Variants in AP1M1 observed in about 807,000 individuals in gnomAD.
AP1M1 encodes the protein adaptor related protein complex 1 subunit mu 1.
AP1M1 carries 18 observed loss-of-function variants against 57.1 expected under a neutral mutation model. That is an observed-to-expected ratio of 0.32 (90% CI 0.22 to 0.47). The LOEUF is 0.47. Ranked by LOEUF, AP1M1 falls within the 20% of genes least tolerant of loss-of-function variation. The probability of loss-of-function intolerance (pLI) is 1.00; values close to 1 mark genes in which losing one functional copy is unlikely to be tolerated. For missense variants in AP1M1, 362 were observed against 593.5 expected, an observed-to-expected ratio of 0.61 and a Z score of 4.05; for synonymous variants, 241 against 237.9, an observed-to-expected ratio of 1.01 and a Z score of -0.12.
chr19:16,198,564 A>G (rs1239477888), intron 1 of AP1M1, among the ~76,000 whole-genome samples: 2 of 152,142 alleles, frequency 1.3e-5, no homozygotes, highest in Non-Finnish European at 2.9e-5. Flanking sequence ...TCATTGTGAT[A>G]GTGAGTTACA....
At chr19:16,204,882 G>A (rs1401531498) in intron 2 of AP1M1, among the ~76,000 whole-genome samples, 7 of 150,858 alleles carry the variant, frequency 4.6e-5, no homozygotes, top group Non-Finnish European at 8.9e-5. Flanking sequence ...CCAGGCTGGA[G>A]TGCAGTGGCG....
At chr19:16,222,823 C>T (rs2091552075) in intron 5 of AP1M1, among the ~76,000 whole-genome samples, 1 of 152,078 alleles carries the variant, frequency 6.6e-6, no homozygotes, top group Admixed American at 6.6e-5. Context: ...CTGTGTTGCC[C>T]AGGCTAGTCT....
chr19:16,228,126 C>G lies in AP1M1; in HGVS notation c.817-11C>G, dbSNP rs542781227. On this transcript the variant is annotated splice_polypyrimidine_tract_variant and intron_variant, in intron 7 of 11. Transcript: ENST00000291439. The surrounding 1 kb of genome is among the most constrained non-coding windows in gnomAD (Gnocchi z 5.0). ...GCCAGGTGTGAGCACCCTCTTTGCC[C>G]TCCTTGGCAGGTCAAGCCTTTGATA... The G allele has an allele frequency of 3.1e-6, 5 of 1,613,762 alleles. No individual in the cohort carries two copies. The South Asian group carries it at 5.5e-5, about 18-fold the overall frequency.
rs2091633917 is a variant in AP1M1 at position 16,238,633 on chromosome 19, G to A, written c.*4198G>A. 1 of 152,124 alleles carries A rather than the reference G, an allele frequency of 6.6e-6. No individual in the cohort carries two copies. The highest frequency in any genetic ancestry group is 2.4e-5 in the African/African-American group (1 of 41,426). The allele number at this position is 152,124 out of a possible 1,614,324, so 9.4% of individuals were successfully genotyped here. A position where few individuals can be genotyped will look rare whatever the true frequency, so the allele number is the denominator to read the frequency against. On this transcript the variant is annotated 3_prime_UTR_variant, in exon 12 of 12. Transcript: ENST00000291439. ...GGTTATCTCTGAAAGGCAAAAACAG[G>A]AAGGGGGTATGACTGGGGCCTCTGC...
rs1017900613 is a variant in AP1M1, at chr19:16,206,975, C to G, written c.267+567C>G. On this transcript the variant is annotated intron_variant, in intron 3 of 11. Transcript: ENST00000291439. This position sits in a 1 kb window ranked among gnomAD's most constrained non-coding sequence, Gnocchi z 4.3. ...TCAGCTGGGAAGAGGGCGGATTATA[C>G]AGGAGTGTGGATTTCATTCCACTTC... Among the ~76,000 whole-genome samples the G allele has an allele frequency of 6.6e-6, 1 of 152,182 alleles. No individual in the cohort carries two copies. The highest frequency in any genetic ancestry group is 1.5e-5 in the Non-Finnish European group (1 of 68,040).
chr19:16,205,597 A>C (rs2091466224), intron 2 of AP1M1, among the ~76,000 whole-genome samples: 1 of 152,162 alleles, frequency 6.6e-6, no homozygotes, highest in African/African-American at 2.4e-5. Context: ...CAGATGTGCC[A>C]TGAACAGGGA....
In AP1M1 at chr19:16,235,781, GCTT is replaced by G. The variant is rs892416445; in HGVS notation, c.*1352_*1354del. ...GAAAACATTAACAAGGCCCCCAGAT[GCTT>G]CTTCTGTGAACTGCTACTTGGTCCA... On this transcript the variant is annotated 3_prime_UTR_variant, in exon 12 of 12. Transcript: ENST00000291439. 6.6e-6 allele frequency: 1 copy of G among 152,292 alleles called. No individual in the cohort carries two copies. Among genetic ancestry groups the G allele is most frequent in the Non-Finnish European group, 1.5e-5 (1 of 68,102 alleles). The allele number at this position is 152,292 out of a possible 1,614,324, so 9.4% of individuals were successfully genotyped here. A position where few individuals can be genotyped will look rare whatever the true frequency, so the allele number is the denominator to read the frequency against.
At chr19:16,199,208 G>A (rs189568004) in intron 1 of AP1M1, among the ~76,000 whole-genome samples, 23 of 152,258 alleles carry the variant, frequency 1.5e-4, no homozygotes, top group African/African-American at 4.8e-4. Context: ...GTTGAGGGGC[G>A]AGTGTGTTAT....
intron 10 of AP1M1, 129 bp from the exon 11 acceptor site, chr19:16,234,069 CT>C (rs2091611724): frequency 1.2e-6 from 1 of 860,432 alleles, no homozygotes; most frequent in Middle Eastern, 3.6e-4. Flanking sequence ...TTTCACCCCC[CT>C]GAGGCCTGTG....
At chr19:16,202,471 ACATTC>A (rs2091452766) in intron 1 of AP1M1, among the ~76,000 whole-genome samples, 2 of 152,218 alleles carry the variant, frequency 1.3e-5, no homozygotes. Flanking sequence ...CCATAACCAC[ACATTC>A]CATCGCCCCC....
Position 16,244,832 on chromosome 19 carries a change from G to A in AP1M1, c.*10397G>A, listed in dbSNP as rs2091657445. On this transcript the variant is annotated 3_prime_UTR_variant, in exon 12 of 12. Transcript: ENST00000291439. ...GGCCTGGGCGACAGAGCGAGACTCCGTCTCAAAATAAATAAATAAATAAAT... is the reference window on the plus strand; with the variant it reads ...GGCCTGGGCGACAGAGCGAGACTCCATCTCAAAATAAATAAATAAATAAAT... The A allele has an allele frequency of 1.4e-5, 2 of 146,178 alleles. No individual in the cohort carries two copies. Among genetic ancestry groups the A allele is most frequent in the South Asian group, 2.1e-4 (1 of 4,684 alleles). 9.1% of individuals were successfully genotyped at this position (146,178 alleles called of 1,614,324 possible). A position where few individuals can be genotyped will look rare whatever the true frequency, so the allele number is the denominator to read the frequency against.
chr19:16,198,111 A>C (rs1257965972), intron 1 of AP1M1, 43 bp downstream of exon 1: 3 of 1,587,396 alleles, frequency 1.9e-6, no homozygotes, highest in Non-Finnish European at 2.6e-6. Context: ...GGCAACCGGC[A>C]GGGGCCTCCG....
chr19:16,241,604 G>T lies in AP1M1; in HGVS notation c.*7169G>T, dbSNP rs1035225194. 1 of 152,084 alleles carries T rather than the reference G, an allele frequency of 6.6e-6. No homozygotes were observed. The highest frequency in any genetic ancestry group is 1.5e-5 in the Non-Finnish European group (1 of 68,030). The allele number at this position is 152,084 out of a possible 1,614,324, so 9.4% of individuals were successfully genotyped here. On this transcript the variant is annotated 3_prime_UTR_variant, in exon 12 of 12. Coordinates refer to ENST00000291439, the MANE Select transcript of AP1M1 (RefSeq NM_032493.4). Reference sequence around the variant, plus strand: ...TTCGGCTAAAGTCCACGAGGGCCACGTATTTATATATAATTTCTAGACCAG... The same window carrying T: ...TTCGGCTAAAGTCCACGAGGGCCACTTATTTATATATAATTTCTAGACCAG...
At position 16,242,852 on chromosome 19, in the gene AP1M1, C is replaced by T. The variant is rs2091650243; in HGVS notation, c.*8417C>T. On this transcript the variant is annotated 3_prime_UTR_variant, in exon 12 of 12. Coordinates refer to ENST00000291439, the MANE Select transcript of AP1M1 (RefSeq NM_032493.4). Reference sequence around the variant, plus strand: ...TACTGCAACCTCCGCCTCCCGGGTTCAAGTGATTCTCCTGCCTCAGTCTCC... The same window carrying T: ...TACTGCAACCTCCGCCTCCCGGGTTTAAGTGATTCTCCTGCCTCAGTCTCC... 6.6e-6 allele frequency: 1 copy of T among 152,106 alleles called. No individual in the cohort carries two copies. 9.4% of individuals were successfully genotyped at this position (152,106 alleles called of 1,614,324 possible).
chr19:16,223,570 A>G (rs1298912171), intron 5 of AP1M1, among the ~76,000 whole-genome samples: 3 of 152,216 alleles, frequency 2.0e-5, no homozygotes, highest in Non-Finnish European at 4.4e-5. Context: ...GGCCTGGGGC[A>G]TGAGGAACAG....
At chr19:16,205,665 G>A (rs1355582505) in intron 2 of AP1M1, among the ~76,000 whole-genome samples, 3 of 152,160 alleles carry the variant, frequency 2.0e-5, no homozygotes, top group Admixed American at 1.3e-4. Flanking sequence ...CTGGCGGCCC[G>A]GGGACCCATT....
Position 16,238,976 on chromosome 19 carries a change from C to G in AP1M1, c.*4541C>G, listed in dbSNP as rs1314139829. ...GAGACAGAGTTTTGCTCTTGTTGCCCAGGCTGGAGTGCAATGGTGTGATCT... is the reference window on the plus strand; with the variant it reads ...GAGACAGAGTTTTGCTCTTGTTGCCGAGGCTGGAGTGCAATGGTGTGATCT... On this transcript the variant is annotated 3_prime_UTR_variant, in exon 12 of 12. Transcript: ENST00000291439. The G allele has an allele frequency of 6.5e-6, 1 of 152,814 alleles. No individual in the cohort carries two copies. The highest frequency in any genetic ancestry group is 2.4e-5 in the African/African-American group (1 of 41,314). The allele number at this position is 152,814 out of a possible 1,614,324, so 9.5% of individuals were successfully genotyped here. A position where few individuals can be genotyped will look rare whatever the true frequency, so the allele number is the denominator to read the frequency against.
At chr19:16,204,422 C>A (rs967732783) in intron 2 of AP1M1, among the ~76,000 whole-genome samples, 2 of 152,204 alleles carry the variant, frequency 1.3e-5, no homozygotes, top group East Asian at 3.9e-4. Flanking sequence ...CGTTTGAGCC[C>A]CAGCTCCAGC....
chr19:16,208,351 C>G (rs1322705121), intron 4 of AP1M1: 2 of 490,154 alleles, frequency 4.1e-6, no homozygotes, highest in East Asian at 6.8e-5. Flanking sequence ...CATAACCGTG[C>G]TTTTCCTGCT....
Sources: allele counts gnomAD v4.1 joint callset (sites outside exome capture counted in the v4.1 genomes callset), GRCh38; gene constraint gnomAD v4.1.1; non-coding constraint Gnocchi (gnomAD v3.1); transcripts MANE v1.5; gene names NCBI Gene and HGNC (gene_info 2026-07-23, HGNC 2026-07-21).